Variants in SLC12A2 observed in about 807,000 individuals in gnomAD.
SLC12A2 encodes solute carrier family 12 member 2, also known as Na-K-2Cl cotransporter 1.
Under a neutral mutation model 136.3 loss-of-function variants are expected in SLC12A2, and 67 were observed. That is an observed-to-expected ratio of 0.49 (90% CI 0.40 to 0.60). The LOEUF is 0.60. Ranked by LOEUF, SLC12A2 falls within the 20% of genes least tolerant of loss-of-function variation. The probability of loss-of-function intolerance (pLI) is 0.00; values close to 1 mark genes in which losing one functional copy is unlikely to be tolerated. For missense variants in SLC12A2, 1,322 were observed against 1,534.7 expected (o/e 0.86, Z 2.32); for synonymous variants, 619 against 562.9 (o/e 1.10, Z -1.41).
intron 1 of SLC12A2, chr5:128,110,849 G>C: frequency 6.9e-7 from 1 of 1,453,350 alleles, no homozygotes; most frequent in Non-Finnish European, 9.7e-7. Context: ...GACATATTCT[G>C]TTATTATTTC....
chr5:128,118,187 C>T (rs1409425564), intron 4 of SLC12A2, among the ~76,000 whole-genome samples: 6 of 152,100 alleles, frequency 3.9e-5, no homozygotes, highest in Non-Finnish European at 8.8e-5. Context: ...GTAGAACTAC[C>T]ATTTGATACA....
chr5:128,140,189 G>A (rs1762318765), intron 9 of SLC12A2, among the ~76,000 whole-genome samples: 1 of 152,016 alleles, frequency 6.6e-6, no homozygotes, highest in South Asian at 2.1e-4. Context: ...AGTAGAGATG[G>A]GGTTTTGCCA....
Position 128,142,001 on chromosome 5 carries a change from T to C in SLC12A2, c.1773+20T>C, listed in dbSNP as rs1762381882. ...TTCCAGGTGAGCATTGACTTTGTAA[T>C]ATACAGACATTCTGTATTTATCTAG... On this transcript the variant is annotated intron_variant, in intron 10 of 26. Transcript: ENST00000262461. 1 of 1,606,928 alleles carries C rather than the reference T, an allele frequency of 6.2e-7. No individual in the cohort carries two copies. Among genetic ancestry groups the C allele is most frequent in the African/African-American group, 1.3e-5 (1 of 74,780 alleles).
Position 128,084,203 on chromosome 5 carries a change from G to C in SLC12A2, c.249G>C (p.Val83=). 9 of 1,287,968 alleles carry C rather than the reference G, an allele frequency of 7.0e-6. No homozygotes were observed. Among genetic ancestry groups the C allele is most frequent in the Non-Finnish European group, 8.8e-6 (9 of 1,026,776 alleles). 79.8% of individuals were successfully genotyped at this position (1,287,968 alleles called of 1,614,324 possible). Residue 83 remains valine (V), a synonymous_variant, in exon 1 of 27, where the codon GTG becomes GTC. Coordinates refer to ENST00000262461, the MANE Select transcript of SLC12A2 (RefSeq NM_001046.3). The surrounding 1 kb of genome is among the most constrained non-coding windows in gnomAD (Gnocchi z 5.6). ...CCCCGAGCCAGAGCCGTTTCCAGGT[G>C]GACCTGGTTTCCGAGAACGCCGGGC... ...GPTPSQSRFQ[V]DLVSENAGRA... is the part of the protein sequence containing the mutation.
chr5:128,118,909 T>G (rs1761451918), intron 4 of SLC12A2, among the ~76,000 whole-genome samples: 1 of 152,082 alleles, frequency 6.6e-6, no homozygotes, highest in Non-Finnish European at 1.5e-5. Flanking sequence ...GACAGAAAAT[T>G]CCAGACTGGG....
At chr5:128,181,775 T>C (rs1763714720) in intron 23 of SLC12A2, among the ~76,000 whole-genome samples, 1 of 152,114 alleles carries the variant, frequency 6.6e-6, no homozygotes, top group African/African-American at 2.4e-5. Flanking sequence ...CTTTTCCCTA[T>C]GCTCTAAACA....
chr5:128,145,306 G>A (rs3805608), intron 10 of SLC12A2, among the ~76,000 whole-genome samples: 19,600 of 151,894 alleles, frequency 0.13, 1,455 homozygotes, highest in African/African-American at 0.21. Flanking sequence ...CTCTACTTTC[G>A]TCCACTTATC....
chr5:128,109,784 AGAAT>A, intron 1 of SLC12A2: 1 of 826,588 alleles, frequency 1.2e-6, no homozygotes, highest in Non-Finnish European at 2.2e-6. Context: ...GGTAAGATAC[AGAAT>A]GTGTGCAGGC....
chr5:128,152,643 G>C, intron 14 of SLC12A2, 63 bp from the exon 15 acceptor site: 1 of 973,718 alleles, frequency 1.0e-6, no homozygotes, highest in South Asian at 1.3e-5. Flanking sequence ...CTATGCCTCA[G>C]ATTGGCTATT....
intron 1 of SLC12A2, among the ~76,000 whole-genome samples, chr5:128,106,670 A>AT (rs1321581792): frequency 6.6e-6 from 1 of 152,204 alleles, no homozygotes; most frequent in African/African-American, 2.4e-5. Context: ...TTATTTTAAA[A>AT]TAAAATACTG....
At chr5:128,173,465 T>TA in intron 19 of SLC12A2, among the ~76,000 whole-genome samples, 1 of 152,346 alleles carries the variant, frequency 6.6e-6, no homozygotes, top group Non-Finnish European at 1.5e-5. Context: ...CATGTATTTA[T>TA]AATCATTGTG....
intron 18 of SLC12A2, chr5:128,168,085 TATACACAC>T (rs1314425781): frequency 2.7e-6 from 1 of 373,736 alleles, no homozygotes; most frequent in Non-Finnish European, 4.7e-6. Flanking sequence ...TATATATATA[TATACACAC>T]ACACACACAT....
intron 22 of SLC12A2, among the ~76,000 whole-genome samples, chr5:128,179,990 G>C (rs141405964): frequency 2.4e-4 from 6 of 25,244 alleles, no homozygotes; most frequent in Non-Finnish European, 5.0e-4. Context: ...TTTTTTTTGC[G>C]ACTGAGTCTT....
intron 1 of SLC12A2, among the ~76,000 whole-genome samples, chr5:128,099,253 G>C (rs1387994500): frequency 6.6e-6 from 1 of 152,030 alleles, no homozygotes; most frequent in East Asian, 1.9e-4. Flanking sequence ...CTACAAATCT[G>C]TACAGCATGT....
intron 1 of SLC12A2, chr5:128,109,772 A>T (rs970326622): frequency 2.0e-5 from 17 of 850,020 alleles, no homozygotes; most frequent in Non-Finnish European, 3.3e-5. Context: ...TGGGTCCTTC[A>T]TGGTAAGATA....
At chr5:128,186,422 AT>A in intron 26 of SLC12A2, 73 bp from the exon 27 acceptor site, 1 of 1,429,338 alleles carries the variant, frequency 7.0e-7, no homozygotes, top group East Asian at 2.3e-5. Context: ...CTACTTTATA[AT>A]TTTTGCTACA....
At chr5:128,085,791 T>C (rs528138359) in intron 1 of SLC12A2, among the ~76,000 whole-genome samples, 36 of 152,334 alleles carry the variant, frequency 2.4e-4, no homozygotes, top group Admixed American at 1.6e-3. Context: ...TCATACAAGA[T>C]TGTACTTGTC....
At position 128,152,799 on chromosome 5, in the gene SLC12A2, A is replaced by C. The variant is rs751812834; in HGVS notation, c.2357A>C (p.Asn786Thr). 1 of 1,600,262 alleles carries C rather than the reference A, an allele frequency of 6.2e-7. No individual in the cohort carries two copies. The highest frequency in any genetic ancestry group is 1.1e-5 in the South Asian group (1 of 90,782). The stretch of plus-strand genomic sequence containing the variant: ...TCTGGAGTGGAAGACCACGTGAAAA[A>C]CTTTAGGTAAGTGATAAAGAAGGAA... ...RLSGVEDHVK[N>T]FRPQCLVMTG... Residue 786 changes from asparagine to threonine, a missense_variant, in exon 15 of 27, where the codon AAC (asparagine) becomes ACC (threonine). Physicochemically the swap from Asn to Thr is moderately conservative, Grantham distance 65 (BLOSUM62 0). Transcript: ENST00000262461.
rs753908547 is a variant in SLC12A2 at position 128,186,575 on chromosome 5, C to G, written c.3583C>G (p.Pro1195Ala). 6 of 1,613,656 alleles carry G rather than the reference C, an allele frequency of 3.7e-6. No individual in the cohort carries two copies. In the South Asian group the frequency reaches 6.6e-5, roughly 18 times the overall value. Residue 1195 changes from proline to alanine, a missense_variant, in exon 27 of 27, where the codon CCA (proline) becomes GCA (alanine). Transcript: ENST00000262461. ...GTTAGAAGCTCTATCTAAGGACCTA[C>G]CACCAATCCTCCTAGTTCGTGGGAA... ...AWLEALSKDL[P>A]PILLVRGNHQ... is the part of the protein sequence containing the mutation.
Sources: allele counts gnomAD v4.1 joint callset (sites outside exome capture counted in the v4.1 genomes callset), GRCh38; gene constraint gnomAD v4.1.1; non-coding constraint Gnocchi (gnomAD v3.1); transcripts MANE v1.5; gene names NCBI Gene and HGNC (gene_info 2026-07-23, HGNC 2026-07-21).